Variants in FHIT observed in about 807,000 individuals in gnomAD.
FHIT encodes the protein fragile histidine triad diadenosine triphosphatase.
Under a neutral mutation model 17.9 loss-of-function variants are expected in FHIT, and 19 were observed. The observed-to-expected ratio is 1.06, with a 90% CI of 0.74 to 1.56. The LOEUF (loss-of-function observed/expected upper bound fraction) is 1.56. FHIT is among the 40% of genes most tolerant of loss of function. The pLI is 0.00. For synonymous variants in FHIT, 81 were observed against 69.7 expected, an observed-to-expected ratio of 1.16 and a Z score of -0.81; for missense variants, 248 against 189.2, an observed-to-expected ratio of 1.31 and a Z score of -1.82.
At chr3:59,867,075 A>T (rs1188447537) in intron 8 of FHIT, among the ~76,000 whole-genome samples, 1 of 150,056 alleles carries the variant, frequency 6.7e-6, no homozygotes, top group Non-Finnish European at 1.5e-5. Flanking sequence ...CAACCACACC[A>T]TAAAAGTAGC....
At chr3:60,029,897 C>CTGTCTGTGTGTG (rs1700920576) in intron 5 of FHIT, among the ~76,000 whole-genome samples, 10 of 127,822 alleles carry the variant, frequency 7.8e-5, no homozygotes, top group Admixed American at 7.8e-4. Context: ...GTGTGTGTGT[C>CTGTCTGTGTGTG]TGTGTGTGTG....
At chr3:60,253,750 C>G (rs1004180807) in intron 5 of FHIT, among the ~76,000 whole-genome samples, 4 of 152,142 alleles carry the variant, frequency 2.6e-5, no homozygotes, top group African/African-American at 9.7e-5. Flanking sequence ...TTCTTATCAG[C>G]CAATATGTCC....
intron 5 of FHIT, among the ~76,000 whole-genome samples, chr3:60,208,284 T>C (rs1703293071): frequency 6.6e-6 from 1 of 152,204 alleles, no homozygotes; most frequent in South Asian, 2.1e-4. Context: ...TGAAGAAGCT[T>C]ATTAAAAGAT....
At chr3:61,241,764 A>G (rs566366827) in intron 1 of FHIT, among the ~76,000 whole-genome samples, 2 of 152,368 alleles carry the variant, frequency 1.3e-5, no homozygotes, top group Admixed American at 1.3e-4. Context: ...TTTAAGTTAC[A>G]GAATCCTGAA....
intron 4 of FHIT, among the ~76,000 whole-genome samples, chr3:60,540,445 C>T (rs2036148921): frequency 6.6e-6 from 1 of 152,204 alleles, no homozygotes; most frequent in Non-Finnish European, 1.5e-5. Flanking sequence ...AGTCAGGTGA[C>T]AGTCTCATGG....
intron 5 of FHIT, among the ~76,000 whole-genome samples, chr3:60,157,144 T>C (rs1341960058): frequency 1.3e-5 from 2 of 152,226 alleles, no homozygotes; most frequent in Admixed American, 6.5e-5. Flanking sequence ...GATGTAATAA[T>C]GGTTTCAGTG....
intron 4 of FHIT, among the ~76,000 whole-genome samples, chr3:60,587,818 T>C (rs1210604529): frequency 6.6e-6 from 1 of 152,054 alleles, no homozygotes; most frequent in Non-Finnish European, 1.5e-5. Flanking sequence ...GTAACATCGG[T>C]TGTCTTATTA....
At chr3:59,772,527 A>G (rs1034367919) in intron 8 of FHIT, among the ~76,000 whole-genome samples, 8 of 152,200 alleles carry the variant, frequency 5.3e-5, no homozygotes, top group African/African-American at 1.9e-4. Flanking sequence ...GAGGAAGCTG[A>G]GCACAGAGAG....
intron 4 of FHIT, among the ~76,000 whole-genome samples, chr3:60,696,551 C>G (rs2107897913): frequency 6.6e-6 from 1 of 152,154 alleles, no homozygotes. Context: ...TTCAAAGCAA[C>G]TTGGAAAAAT....
At chr3:60,396,514 A>G (rs956886146) in intron 5 of FHIT, among the ~76,000 whole-genome samples, 1 of 152,160 alleles carries the variant, frequency 6.6e-6, no homozygotes, top group Non-Finnish European at 1.5e-5. Context: ...AGATTAAATC[A>G]TAGTGGCTAA....
intron 8 of FHIT, among the ~76,000 whole-genome samples, chr3:59,861,704 C>T (rs757463678): frequency 1.3e-5 from 2 of 152,100 alleles, no homozygotes; most frequent in Non-Finnish European, 2.9e-5. Flanking sequence ...TTCCAAATAG[C>T]GCCACATGAA....
At chr3:60,020,712 A>T (rs1700523616) in intron 5 of FHIT, among the ~76,000 whole-genome samples, 1 of 152,196 alleles carries the variant, frequency 6.6e-6, no homozygotes, top group Admixed American at 6.5e-5. Flanking sequence ...GGCCTTGTAA[A>T]TGTTTAAAAT....
intron 8 of FHIT, among the ~76,000 whole-genome samples, chr3:59,890,017 G>C (rs973863253): frequency 6.6e-6 from 1 of 152,144 alleles, no homozygotes; most frequent in Non-Finnish European, 1.5e-5. Context: ...CTTCAATGAA[G>C]ACGTCATTAA....
chr3:61,246,094 A>G (rs1410803984), intron 1 of FHIT, among the ~76,000 whole-genome samples: 1 of 152,216 alleles, frequency 6.6e-6, no homozygotes, highest in African/African-American at 2.4e-5. Context: ...GCGCCATGAC[A>G]GTTTAAAAAT....
chr3:61,134,187 A>G (rs927618085), intron 2 of FHIT, among the ~76,000 whole-genome samples: 1 of 151,742 alleles, frequency 6.6e-6, no homozygotes, highest in African/African-American at 2.4e-5. Flanking sequence ...GGGGCCCAAT[A>G]TTACCAAGGG....
intron 5 of FHIT, among the ~76,000 whole-genome samples, chr3:60,171,651 T>G (rs1701419392): frequency 6.6e-6 from 1 of 152,224 alleles, no homozygotes; most frequent in South Asian, 2.1e-4. Flanking sequence ...TTTTAAATTT[T>G]AAATTAACTT....
intron 3 of FHIT, among the ~76,000 whole-genome samples, chr3:60,840,562 C>T (rs1702690268): frequency 6.6e-6 from 1 of 152,320 alleles, no homozygotes; most frequent in Middle Eastern, 3.4e-3. Flanking sequence ...AGGACAATAA[C>T]ACAAGCCAAC....
chr3:61,209,789 T>C (rs1376956190), intron 1 of FHIT, among the ~76,000 whole-genome samples: 1 of 152,242 alleles, frequency 6.6e-6, no homozygotes, highest in Non-Finnish European at 1.5e-5. Flanking sequence ...AGTTTGATCA[T>C]CTGAAGCCTT....
intron 4 of FHIT, among the ~76,000 whole-genome samples, chr3:60,675,345 A>G (rs1221245047): frequency 6.6e-6 from 1 of 152,220 alleles, no homozygotes; most frequent in Non-Finnish European, 1.5e-5. Context: ...ATAATTATCA[A>G]GTGAGTTGCC....
Sources: allele counts gnomAD v4.1 joint callset (sites outside exome capture counted in the v4.1 genomes callset), GRCh38; gene constraint gnomAD v4.1.1; transcripts MANE v1.5; gene names NCBI Gene and HGNC (gene_info 2026-07-23, HGNC 2026-07-21).